DCC: variants seen among roughly 807,000 people sequenced by gnomAD.
The protein encoded by DCC is netrin receptor DCC.
DCC carries 58 observed loss-of-function variants against 172.5 expected under a neutral mutation model. That is an observed-to-expected ratio of 0.34 (90% CI 0.27 to 0.42). The LOEUF (loss-of-function observed/expected upper bound fraction) is 0.42, where lower values mean the gene tolerates loss of function less well. Ranked by LOEUF, DCC falls within the 10% of genes least tolerant of loss-of-function variation. The probability of loss-of-function intolerance (pLI) is 1.00; values close to 1 mark genes in which losing one functional copy is unlikely to be tolerated. For synonymous variants in DCC, 709 were observed against 644.5 expected, an observed-to-expected ratio of 1.10 and a Z score of -1.52; for missense variants, 1,740 against 1,791.0, an observed-to-expected ratio of 0.97 and a Z score of 0.51.
chr18:52,880,722 A>G (rs1374206467), intron 2 of DCC, among the ~76,000 whole-genome samples: 5 of 152,188 alleles, frequency 3.3e-5, no homozygotes, highest in Non-Finnish European at 5.9e-5. Context: ...ATAGTACTCC[A>G]TTATGCATAT....
chr18:53,393,850 TTCCCTTCATCC>T (rs1358950734), intron 17 of DCC, among the ~76,000 whole-genome samples: 2 of 150,830 alleles, frequency 1.3e-5, no homozygotes, highest in African/African-American at 4.9e-5. Flanking sequence ...ACTGTTCCTC[TTCCCTTCATCC>T]TCCCTGACAG....
intron 1 of DCC, among the ~76,000 whole-genome samples, chr18:52,676,837 A>G (rs148115785): frequency 1.6e-4 from 25 of 152,308 alleles, no homozygotes; most frequent in Non-Finnish European, 2.9e-4. Flanking sequence ...TTACTTACCC[A>G]ATGATCTTTT....
intron 12 of DCC, among the ~76,000 whole-genome samples, chr18:53,286,087 G>C (rs1345412875): frequency 6.6e-6 from 1 of 152,120 alleles, no homozygotes; most frequent in African/African-American, 2.4e-5. Context: ...ATGAGACTTT[G>C]GACTGTGGAC....
At chr18:52,880,015 C>A (rs1469880791) in intron 2 of DCC, among the ~76,000 whole-genome samples, 1 of 151,958 alleles carries the variant, frequency 6.6e-6, no homozygotes, top group Non-Finnish European at 1.5e-5. Context: ...AAGATTTTTC[C>A]TTTGTGTTAC....
intron 1 of DCC, among the ~76,000 whole-genome samples, chr18:52,357,454 T>C (rs1984419370): frequency 6.6e-6 from 1 of 152,196 alleles, no homozygotes; most frequent in Admixed American, 6.5e-5. Context: ...AGTAGTTTCC[T>C]ATTATAACCC....
At chr18:52,429,688 G>T (rs1369324952) in intron 1 of DCC, among the ~76,000 whole-genome samples, 3 of 152,098 alleles carry the variant, frequency 2.0e-5, no homozygotes, top group South Asian at 2.1e-4. Flanking sequence ...TGAGAATATT[G>T]TCATTCCATC....
At chr18:53,403,155 A>T (rs561388123) in intron 19 of DCC, among the ~76,000 whole-genome samples, 2 of 151,710 alleles carry the variant, frequency 1.3e-5, no homozygotes, top group South Asian at 4.2e-4. Context: ...TGTGTATTTC[A>T]ATTAGAATAG....
intron 9 of DCC, among the ~76,000 whole-genome samples, chr18:53,200,934 G>A (rs971209708): frequency 2.6e-5 from 4 of 152,018 alleles, no homozygotes; most frequent in Non-Finnish European, 4.4e-5. Flanking sequence ...TGAGTGATAT[G>A]GGCACACCTC....
chr18:53,131,190 T>A (rs140595814), intron 7 of DCC, among the ~76,000 whole-genome samples: 251 of 152,172 alleles, frequency 1.6e-3, no homozygotes, highest in African/African-American at 5.7e-3. Context: ...AAAATGTAAA[T>A]GAACTGCAAT....
chr18:52,896,432 A>T (rs968088605), intron 2 of DCC, among the ~76,000 whole-genome samples: 26 of 152,208 alleles, frequency 1.7e-4, no homozygotes, highest in African/African-American at 4.3e-4. Flanking sequence ...AGCTAAGATG[A>T]AAGATAGTTG....
chr18:53,346,160 A>G (rs1032274635), intron 15 of DCC, among the ~76,000 whole-genome samples: 5 of 152,054 alleles, frequency 3.3e-5, no homozygotes, highest in African/African-American at 1.2e-4. Context: ...TGACATTCAA[A>G]ATGTTGTTAA....
In DCC at chr18:53,518,041, A is replaced by C. The variant is rs145124717; in HGVS notation, c.4112-8576A>C. Among the ~76,000 whole-genome samples, 204 of 152,140 alleles carry C rather than the reference A, an allele frequency of 1.3e-3. 1 individual carries two copies. The highest frequency in any genetic ancestry group is 2.3e-3 in the Admixed American group (35 of 15,268). On this transcript the variant is annotated intron_variant, in intron 27 of 28. Coordinates refer to ENST00000442544, the MANE Select transcript of DCC (RefSeq NM_005215.4). ...AAGTTCCTTGCCTATCAGAAGTGTA[A>C]ATGATTATGTGACACTTCTATATCT...
At chr18:53,002,268 C>A (rs774972958) in intron 5 of DCC, among the ~76,000 whole-genome samples, 1 of 152,058 alleles carries the variant, frequency 6.6e-6, no homozygotes. Context: ...GCTGTCTTCT[C>A]TGGGAGGGAA....
At chr18:52,476,517 A>G (rs1235393224) in intron 1 of DCC, among the ~76,000 whole-genome samples, 1 of 152,212 alleles carries the variant, frequency 6.6e-6, no homozygotes, top group Non-Finnish European at 1.5e-5. Flanking sequence ...CTGCCTTTTA[A>G]GCATGCTGGT....
chr18:53,329,690 A>G (rs1222787250), intron 14 of DCC, among the ~76,000 whole-genome samples: 1 of 152,194 alleles, frequency 6.6e-6, no homozygotes, highest in African/African-American at 2.4e-5. Flanking sequence ...GAATAATTTT[A>G]GACAATTCTA....
chr18:52,968,231 G>A (rs575813158), intron 5 of DCC, among the ~76,000 whole-genome samples: 1 of 152,258 alleles, frequency 6.6e-6, no homozygotes, highest in South Asian at 2.1e-4. Context: ...ACGTTGTTAG[G>A]GTAACAGAGG....
intron 2 of DCC, among the ~76,000 whole-genome samples, chr18:52,762,688 G>A (rs1486674655): frequency 6.6e-6 from 1 of 151,996 alleles, no homozygotes; most frequent in African/African-American, 2.4e-5. Flanking sequence ...GCCAGGTATG[G>A]TAGTACATGC....
chr18:52,341,632 G>A (rs551285342), intron 1 of DCC, among the ~76,000 whole-genome samples: 13 of 142,842 alleles, frequency 9.1e-5, no homozygotes, highest in African/African-American at 3.2e-4. Context: ...AATTAAAAAT[G>A]GCAAAACTGT....
intron 1 of DCC, among the ~76,000 whole-genome samples, chr18:52,648,451 G>A (rs756363372): frequency 1.3e-5 from 2 of 152,198 alleles, no homozygotes; most frequent in Non-Finnish European, 2.9e-5. Context: ...GATTTGCAAA[G>A]TATCGCGTAA....
Sources: gnomAD v4.1 joint callset for allele counts (sites outside exome capture counted in the v4.1 genomes callset) on GRCh38, gnomAD v4.1.1 for gene constraint, MANE v1.5 for transcripts, NCBI Gene and HGNC (gene_info 2026-07-23, HGNC 2026-07-21) for gene names.